The following SH2B1 variants were observed in gnomAD, a reference collection of about 807,000 sequenced individuals.
SH2B1 encodes the protein SH2B adaptor protein 1.
In SH2B1, 15 loss-of-function variants were observed where a neutral mutation model predicts 62.6. That is an observed-to-expected ratio of 0.24 (90% CI 0.16 to 0.37). The LOEUF is 0.37. Among genes scored for constraint, SH2B1 ranks in the 10% least tolerant of loss-of-function variants. SH2B1 has a pLI of 1.00. For missense variants in SH2B1, 925 were observed against 1,015.6 expected, an observed-to-expected ratio of 0.91 and a Z score of 1.21; for synonymous variants, 443 against 438.0, an observed-to-expected ratio of 1.01 and a Z score of -0.14.
At position 28,871,875 on chromosome 16, in the gene SH2B1, C is replaced by A; in HGVS notation, c.1405C>A (p.Pro469Thr). The A allele has an allele frequency of 7.1e-7, 1 of 1,401,700 alleles. No individual in the cohort carries two copies. The highest frequency in any genetic ancestry group is 1.0e-6 in the Non-Finnish European group (1 of 1,004,630). The allele number at this position is 1,401,700 out of a possible 1,614,324, so 86.8% of individuals were successfully genotyped here. The change falls in exon 5 of 8, where the codon CCC becomes ACC. Residue 469 changes from proline to threonine, a missense_variant. Pro to Thr is a conservative substitution (Grantham distance 38, BLOSUM62 -1). This residue lies in a region of SH2B1 where 683 missense variants were observed against 704.0 expected (regional missense o/e 0.97). Coordinates refer to ENST00000684370, the MANE Select transcript of SH2B1 (RefSeq NM_001387430.1). ...ASHFDSMELL[P>T]PELPPRIPIE... is the part of the protein sequence containing the mutation. The stretch of plus-strand genomic sequence containing the variant: ...CCATTTTGACTCGATGGAACTGCTT[C>A]CCCCAGAGTTGCCCCCCCGCATCCC...
In SH2B1 at chr16:28,873,241, C is replaced by A; in HGVS notation, c.1898-206C>A. 1 of 1,607,446 alleles carries A rather than the reference C, an allele frequency of 6.2e-7. No individual in the cohort carries two copies. The highest frequency in any genetic ancestry group is 8.5e-7 in the Non-Finnish European group (1 of 1,178,560). ...ATGCCACCCCGATGCCTCCTGCACC[C>A]TCATGCCCTTCGGAGCGAGTGACTG... On this transcript the variant is annotated intron_variant, in intron 7 of 7. Transcript: ENST00000684370. This position sits in a 1 kb window ranked among gnomAD's most constrained non-coding sequence, Gnocchi z 4.2.
At position 28,852,384 on chromosome 16, in the gene SH2B1, T is replaced by A. The variant is rs201245695; in HGVS notation, c.-301+5557T>A. On this transcript the variant is annotated intron_variant, in intron 1 of 10. Coordinates refer to the SH2B1 transcript ENST00000322610. ...TATATTTATATATATTTACATATAT[T>A]TATATATATACATATATATTTACAT... Among the ~76,000 whole-genome samples the A allele has an allele frequency of 3.0e-3, 139 of 45,992 alleles. 14 individuals carry two copies. Among genetic ancestry groups the A allele is most frequent in the South Asian group, 7.0e-3 (5 of 716 alleles). 30.2% of individuals were successfully genotyped at this position (45,992 alleles called of 152,430 possible). A position where few individuals can be genotyped will look rare whatever the true frequency, so the allele number is the denominator to read the frequency against.
Position 28,866,978 on chromosome 16 carries a change from G to C in SH2B1, c.884G>C (p.Arg295Pro), listed in dbSNP as rs1320370221. ...TGGCAGAAGTGTCGCCTGCTGCTTC[G>C]AAGTGAAGGAGAAGGAGGAGGAGGA... is the stretch of plus-strand genomic sequence containing the variant. The part of the protein sequence containing the change: ...PQWQKCRLLL[R>P]SEGEGGGGSR... The change falls in exon 1 of 8, where the codon CGA becomes CCA. Residue 295 changes from arginine to proline, a missense_variant. Arg to Pro is a moderately radical substitution (Grantham distance 103). Coordinates refer to ENST00000684370, the MANE Select transcript of SH2B1 (RefSeq NM_001387430.1). The surrounding 1 kb of genome is among the most constrained non-coding windows in gnomAD (Gnocchi z 6.3). The C allele has an allele frequency of 1.2e-6, 2 of 1,605,020 alleles. No individual in the cohort carries two copies. Among genetic ancestry groups the C allele is most frequent in the Non-Finnish European group, 1.7e-6 (2 of 1,179,962 alleles).
intron 1 of SH2B1, among the ~76,000 whole-genome samples, chr16:28,847,386 C>A (rs1178195949): frequency 6.6e-6 from 1 of 152,128 alleles, no homozygotes; most frequent in South Asian, 2.1e-4. Context: ...GCTAATGTTT[C>A]GGAACTCATC....
chr16:28,852,221 C>CAT (rs201261917), intron 1 of SH2B1, among the ~76,000 whole-genome samples: 1,128 of 39,394 alleles, frequency 0.029, 222 homozygotes, highest in East Asian at 0.2. Flanking sequence ...TATATATTTA[C>CAT]ATATATATTT....
rs765438636 is a variant in SH2B1 at position 28,866,862 on chromosome 16, G to T, written c.768G>T (p.Met256Ile). The T allele has an allele frequency of 1.2e-6, 2 of 1,608,362 alleles. No individual in the cohort carries two copies. The highest frequency in any genetic ancestry group is 1.7e-6 in the Non-Finnish European group (2 of 1,177,394). The change falls in exon 1 of 8, where the codon ATG (methionine) becomes ATT (isoleucine). Residue 256 changes from methionine to isoleucine, a missense_variant. Physicochemically the swap from Met to Ile is conservative, Grantham distance 10. This residue lies in a region of SH2B1 where 683 missense variants were observed against 704.0 expected (regional missense o/e 0.97). Transcript: ENST00000684370. This position sits in a 1 kb window ranked among gnomAD's most constrained non-coding sequence, Gnocchi z 6.3. ...MVQREELLSF[M>I]GAEEAAPDPA... ...AGAGGGAAGAGCTGCTGAGTTTCAT[G>T]GGGGCTGAGGAGGCAGCCCCTGACC...
chr16:28,849,496 G>A (rs1381673603), intron 1 of SH2B1, among the ~76,000 whole-genome samples: 1 of 151,884 alleles, frequency 6.6e-6, no homozygotes, highest in Non-Finnish European at 1.5e-5. Context: ...AGTTTTTGGG[G>A]GTGGTATTTG....
In SH2B1 at chr16:28,866,465, G is replaced by A. The variant is rs200118693; in HGVS notation, c.371G>A (p.Arg124Gln). 1.5e-5 allele frequency: 24 copies of A among 1,613,902 alleles called. No homozygotes were observed. Among genetic ancestry groups the A allele is most frequent in the African/African-American group, 5.3e-5 (4 of 74,964 alleles). Residue 124 changes from arginine to glutamine, a missense_variant, in exon 1 of 8, where the codon CGA (arginine) becomes CAA (glutamine). Around this residue, in one of 3 missense-constraint regions of SH2B1, gnomAD observed 683 missense variants for 704.0 expected, o/e 0.97. Coordinates refer to ENST00000684370, the MANE Select transcript of SH2B1 (RefSeq NM_001387430.1). This position sits in a 1 kb window ranked among gnomAD's most constrained non-coding sequence, Gnocchi z 6.3. ...GGPLAVLGPSRSSEDLAGPLP... is the reference protein window; with the variant it reads ...GGPLAVLGPSQSSEDLAGPLP... Reference sequence around the variant, plus strand: ...CCCCTGGCTGTGCTGGGCCCTTCTCGATCATCTGAGGACCTGGCCGGCCCC... The same window carrying A: ...CCCCTGGCTGTGCTGGGCCCTTCTCAATCATCTGAGGACCTGGCCGGCCCC...
intron 1 of SH2B1, among the ~76,000 whole-genome samples, chr16:28,854,256 A>G (rs183824635): frequency 6.6e-6 from 1 of 152,034 alleles, no homozygotes; most frequent in Non-Finnish European, 1.5e-5. Flanking sequence ...AGCCGTGATC[A>G]CACCACTGCA....
Position 28,867,141 on chromosome 16 carries a change from C to T in SH2B1, c.939+108C>T, listed in dbSNP as rs868133097. ...GTTTACCAGCCCATGGCCCTGGTGTCGCTCACTTTTTGTTGGTAAAGCTGG... is the reference window on the plus strand; with the variant it reads ...GTTTACCAGCCCATGGCCCTGGTGTTGCTCACTTTTTGTTGGTAAAGCTGG... On this transcript the variant is annotated intron_variant, in intron 1 of 7. Transcript: ENST00000684370. The T allele has an allele frequency of 4.3e-5, 64 of 1,492,766 alleles. No homozygotes were observed. The Middle Eastern group carries it at 1.0e-3, about 24-fold the overall frequency. The allele number at this position is 1,492,766 out of a possible 1,614,324, so 92.5% of individuals were successfully genotyped here.
At position 28,866,861 on chromosome 16, in the gene SH2B1, T is replaced by C. The variant is rs1348545218; in HGVS notation, c.767T>C (p.Met256Thr). The change falls in exon 1 of 8, where the codon ATG becomes ACG. Residue 256 changes from methionine (M) to threonine (T), a missense_variant. Physicochemically the swap from Met to Thr is moderately conservative, Grantham distance 81 (BLOSUM62 -1). Coordinates refer to ENST00000684370, the MANE Select transcript of SH2B1 (RefSeq NM_001387430.1). The surrounding 1 kb of genome is among the most constrained non-coding windows in gnomAD (Gnocchi z 6.3). The part of the protein sequence containing the change: ...MVQREELLSF[M>T]GAEEAAPDPA... ...CAGAGGGAAGAGCTGCTGAGTTTCATGGGGGCTGAGGAGGCAGCCCCTGAC... is the reference window on the plus strand; with the variant it reads ...CAGAGGGAAGAGCTGCTGAGTTTCACGGGGGCTGAGGAGGCAGCCCCTGAC... The C allele has an allele frequency of 6.2e-7, 1 of 1,607,908 alleles. No individual in the cohort carries two copies. Among genetic ancestry groups the C allele is most frequent in the Non-Finnish European group, 8.5e-7 (1 of 1,177,298 alleles).
chr16:28,871,677 A>G lies in SH2B1; in HGVS notation c.1310-103A>G, dbSNP rs939633113. The stretch of plus-strand genomic sequence containing the variant: ...CACAGAGCTGTTTGGCATCTTGGCC[A>G]GCGACTGCACACAGGGTAGACTGCT... On this transcript the variant is annotated intron_variant, in intron 4 of 7. Transcript: ENST00000684370. The G allele has an allele frequency of 2.5e-5, 23 of 910,478 alleles. No homozygotes were observed. The Admixed American group carries it at 4.5e-4, about 18-fold the overall frequency. The allele number at this position is 910,478 out of a possible 1,614,324, so 56.4% of individuals were successfully genotyped here. A position where few individuals can be genotyped will look rare whatever the true frequency, so the allele number is the denominator to read the frequency against.
At chr16:28,863,797 G>T, upstream of SH2B1, 1 of 1,535,524 alleles carries the variant, frequency 6.5e-7, no homozygotes, top group Non-Finnish European at 8.7e-7. Flanking sequence ...TGTTCTCTAT[G>T]GTCTCTTCCT....
chr16:28,854,452 T>C (rs1166862776), intron 1 of SH2B1, among the ~76,000 whole-genome samples: 2 of 152,094 alleles, frequency 1.3e-5, no homozygotes, highest in Non-Finnish European at 2.9e-5. Flanking sequence ...AATAAAGCTG[T>C]TATTAAAAAA....
rs1962629892 is a variant in SH2B1 at position 28,865,411 on chromosome 16, T to G, written c.-684T>G. 2.0e-6 allele frequency: 2 copies of G among 985,492 alleles called. No homozygotes were observed. Among genetic ancestry groups the G allele is most frequent in the Non-Finnish European group, 2.4e-6 (2 of 829,974 alleles). 61.0% of individuals were successfully genotyped at this position (985,492 alleles called of 1,614,324 possible). On this transcript the variant is annotated 5_prime_UTR_variant, in exon 1 of 8. An upstream start codon of the reference 5' UTR is lost. Transcript: ENST00000684370. Reference sequence around the variant, plus strand: ...CCCTCCAAAGAGTTGGACCCTAAGATGCGTGAGGCAGGCTCTCTAAGGTCT... The same window carrying G: ...CCCTCCAAAGAGTTGGACCCTAAGAGGCGTGAGGCAGGCTCTCTAAGGTCT...
At position 28,872,971 on chromosome 16, in the gene SH2B1, T is replaced by C. The variant is rs1236034351; in HGVS notation, c.1897+266T>C. ...CATCCCCATTCCATCGGATCCTCTG[T>C]TCCATTGTCTGTCTGTCTCCTGGAC... On this transcript the variant is annotated intron_variant, in intron 7 of 7. Coordinates refer to ENST00000684370, the MANE Select transcript of SH2B1 (RefSeq NM_001387430.1). This position sits in a 1 kb window ranked among gnomAD's most constrained non-coding sequence, Gnocchi z 5.3. 7.9e-6 allele frequency: 5 copies of C among 636,068 alleles called. No homozygotes were observed. The highest frequency in any genetic ancestry group is 1.4e-5 in the Non-Finnish European group (5 of 366,338). 39.4% of individuals were successfully genotyped at this position (636,068 alleles called of 1,614,324 possible).
chr16:28,867,549 A>C, intron 2 of SH2B1, 117 bp downstream of exon 2: 1 of 753,600 alleles, frequency 1.3e-6, no homozygotes, highest in Non-Finnish European at 2.4e-6. Context: ...GTGCCTTGAG[A>C]GTGTGTCCCT....
rs1053811657 is a variant in SH2B1, at chr16:28,865,960, C to T, written c.-135C>T. 14 of 1,448,014 alleles carry T rather than the reference C, an allele frequency of 9.7e-6. No homozygotes were observed. Among genetic ancestry groups the T allele is most frequent in the South Asian group, 4.5e-5 (3 of 67,094 alleles). 89.7% of individuals were successfully genotyped at this position (1,448,014 alleles called of 1,614,324 possible). On this transcript the variant is annotated 5_prime_UTR_variant, in exon 1 of 8. Coordinates refer to ENST00000684370, the MANE Select transcript of SH2B1 (RefSeq NM_001387430.1). ...CTGGCTGGGGGTGGGATGCAGCCTC[C>T]GGTGCGCCCTCAGCAGTGACCCTCG...
intron 1 of SH2B1, 56 bp downstream of exon 1, chr16:28,867,089 G>C: frequency 6.3e-7 from 1 of 1,595,532 alleles, no homozygotes; most frequent in Non-Finnish European, 8.5e-7. Flanking sequence ...GCTCAGAGTG[G>C]TCACAGCCCT....
Sources: allele counts gnomAD v4.1 joint callset (sites outside exome capture counted in the v4.1 genomes callset), GRCh38; gene constraint gnomAD v4.1.1; regional missense constraint gnomAD v4.1.1; non-coding constraint Gnocchi (gnomAD v3.1); transcripts MANE v1.5; gene names NCBI Gene and HGNC (gene_info 2026-07-23, HGNC 2026-07-21).